Variants in COL23A1 observed in about 807,000 individuals in gnomAD.
COL23A1 encodes collagen type XXIII alpha 1 chain.
Under a neutral mutation model 99.3 loss-of-function variants are expected in COL23A1, and 97 were observed. The ratio of observed to expected loss-of-function variants is 0.98; its 90% CI spans 0.83 to 1.16. COL23A1 has a LOEUF of 1.16. COL23A1 is among the 50% of genes most tolerant of loss of function. The pLI, the probability that COL23A1 is intolerant of heterozygous loss-of-function variation, is 0.00. For missense variants in COL23A1, 762 were observed against 757.4 expected (o/e 1.01, Z -0.07); for synonymous variants, 320 against 308.2 (o/e 1.04, Z -0.40).
rs1762393266 is a variant in COL23A1, at chr5:178,365,132, T to TGC, written c.362-58214_362-58213insGC. 8.7e-6 allele frequency among the ~76,000 whole-genome samples: 1 copy of TGC among 114,368 alleles called. No individual in the cohort carries two copies. Among genetic ancestry groups the TGC allele is most frequent in the Non-Finnish European group, 1.9e-5 (1 of 54,040 alleles). The allele number at this position is 114,368 out of a possible 152,430, so 75.0% of individuals were successfully genotyped here. ...GGGTGGGCTTTATGATGTTGCTGTGTGTGCGTGTGTGTGTGTGTGTGTGTG... is the reference window on the plus strand; with the variant it reads ...GGGTGGGCTTTATGATGTTGCTGTGTGCGTGCGTGTGTGTGTGTGTGTGTGTG... On this transcript the variant is annotated intron_variant, in intron 2 of 28. Coordinates refer to ENST00000390654, the MANE Select transcript of COL23A1 (RefSeq NM_173465.4). This position sits in a 1 kb window ranked among gnomAD's most constrained non-coding sequence, Gnocchi z 5.2.
chr5:178,250,205 G>C (rs1764960120), intron 17 of COL23A1, 100 bp from the exon 18 acceptor site: 1 of 1,406,790 alleles, frequency 7.1e-7, no homozygotes, highest in Non-Finnish European at 9.9e-7. Context: ...GCCCAGGGTG[G>C]GTCTTTGCAG....
rs572389274 is a variant in COL23A1 at position 178,242,456 on chromosome 5, G to C, written c.1441-62C>G. On this transcript the variant is annotated intron_variant, in intron 25 of 28. Transcript: ENST00000390654. ...GCTGGAGGTTTGCCCCTCTGTTACCGGCTCATCTCTGTTCCTCTCCCATCC... is the reference window on the plus strand; with the variant it reads ...GCTGGAGGTTTGCCCCTCTGTTACCCGCTCATCTCTGTTCCTCTCCCATCC... The C allele has an allele frequency of 9.5e-4, 1,464 of 1,541,536 alleles. 5 individuals are homozygous for C. The highest frequency in any genetic ancestry group is 8.2e-4 in the Non-Finnish European group (918 of 1,118,176).
chr5:178,536,999 C>T lies in COL23A1; in HGVS notation c.361+23683G>A, dbSNP rs1020018455. On this transcript the variant is annotated intron_variant, in intron 2 of 28. Coordinates refer to ENST00000390654, the MANE Select transcript of COL23A1 (RefSeq NM_173465.4). ...CACACAGGCCCATCCTCACCGCCGA[C>T]GGCTGCTCCTCTGCTCTTCCGGTCC... Among the ~76,000 whole-genome samples, 5 of 152,244 alleles carry T rather than the reference C, an allele frequency of 3.3e-5. No individual in the cohort carries two copies. In the South Asian group the frequency reaches 8.3e-4, roughly 25 times the overall value.
rs532671876 is a variant in COL23A1, at chr5:178,542,445, T to C, written c.361+18237A>G. ...AATGGGTGGCAGAGTCACAGAATAT[T>C]AAGTGTGTGAGGACCCTCTGCCTTT... is the stretch of plus-strand genomic sequence containing the variant. On this transcript the variant is annotated intron_variant, in intron 2 of 28. Transcript: ENST00000390654. Among the ~76,000 whole-genome samples the C allele has an allele frequency of 2.6e-5, 4 of 152,212 alleles. No individual in the cohort carries two copies. The South Asian group carries it at 8.3e-4, about 32-fold the overall frequency.
At chr5:178,358,002 ATGTATGTGTG>A (rs1384320356) in intron 2 of COL23A1, among the ~76,000 whole-genome samples, 22 of 106,774 alleles carry the variant, frequency 2.1e-4, no homozygotes, top group East Asian at 2.1e-3. Flanking sequence ...GTGTGTGTAT[ATGTATGTGTG>A]TGTATGTGTG....
intron 5 of COL23A1, among the ~76,000 whole-genome samples, chr5:178,278,819 G>A (rs543727740): frequency 1.3e-5 from 2 of 152,208 alleles, no homozygotes; most frequent in African/African-American, 2.4e-5. Flanking sequence ...AGTGTGTTGC[G>A]GATGGAATGG....
chr5:178,272,337 A>T (rs1756336190), intron 5 of COL23A1, among the ~76,000 whole-genome samples: 1 of 152,174 alleles, frequency 6.6e-6, no homozygotes, highest in South Asian at 2.1e-4. Context: ...CCATCTGCCC[A>T]TTCCCAGACG....
intron 2 of COL23A1, among the ~76,000 whole-genome samples, chr5:178,523,173 T>C (rs1268520041): frequency 5.2e-5 from 5 of 95,534 alleles, no homozygotes; most frequent in African/African-American, 1.9e-4. Flanking sequence ...CATATATATA[T>C]ATATACACAT....
At chr5:178,304,893 A>T (rs1758267600) in intron 3 of COL23A1, among the ~76,000 whole-genome samples, 2 of 152,214 alleles carry the variant, frequency 1.3e-5, no homozygotes, top group African/African-American at 4.8e-5. Flanking sequence ...AAGGACTTGA[A>T]AGAGCCCAGC....
chr5:178,278,553 T>A (rs968331466), intron 5 of COL23A1, among the ~76,000 whole-genome samples: 1 of 152,078 alleles, frequency 6.6e-6, no homozygotes. Flanking sequence ...CCAACCAGCC[T>A]CATCTATTTT....
intron 3 of COL23A1, among the ~76,000 whole-genome samples, chr5:178,293,860 G>T (rs1233243704): frequency 6.6e-6 from 1 of 152,052 alleles, no homozygotes; most frequent in African/African-American, 2.4e-5. Context: ...AAGACCTCTG[G>T]AGGGACAGGC....
intron 2 of COL23A1, among the ~76,000 whole-genome samples, chr5:178,508,657 A>G (rs1759016973): frequency 6.6e-6 from 1 of 152,100 alleles, no homozygotes; most frequent in South Asian, 2.1e-4. Context: ...TCTCCTCACT[A>G]CTGATACCAT....
chr5:178,380,788 A>G (rs1332329708), intron 2 of COL23A1, among the ~76,000 whole-genome samples: 1 of 152,108 alleles, frequency 6.6e-6, no homozygotes, highest in Non-Finnish European at 1.5e-5. Flanking sequence ...CAGGGACTTC[A>G]CCTGTCCCCA....
chr5:178,466,826 G>A (rs1015192643), intron 2 of COL23A1, among the ~76,000 whole-genome samples: 4 of 152,234 alleles, frequency 2.6e-5, no homozygotes, highest in Admixed American at 2.6e-4. Context: ...GGACAGCCAC[G>A]TCTGGGGGTC....
chr5:178,367,704 C>A (rs1275583148), intron 2 of COL23A1, among the ~76,000 whole-genome samples: 1 of 152,248 alleles, frequency 6.6e-6, no homozygotes, highest in Non-Finnish European at 1.5e-5. Context: ...ATGTGGCTCT[C>A]TTTTCTTTCT....
At chr5:178,350,587 A>ATT (rs1322044296) in intron 2 of COL23A1, among the ~76,000 whole-genome samples, 1 of 152,178 alleles carries the variant, frequency 6.6e-6, no homozygotes, top group African/African-American at 2.4e-5. Context: ...TCACCAGATA[A>ATT]TTATAACCCC....
At chr5:178,293,401 GTTCTC>G (rs1368907257) in intron 3 of COL23A1, among the ~76,000 whole-genome samples, 1 of 152,162 alleles carries the variant, frequency 6.6e-6, no homozygotes, top group Non-Finnish European at 1.5e-5. Context: ...GTTCGGGCAA[GTTCTC>G]TTCTGATTGT....
At chr5:178,431,100 A>T (rs1336757816) in intron 2 of COL23A1, among the ~76,000 whole-genome samples, 1 of 152,056 alleles carries the variant, frequency 6.6e-6, no homozygotes, top group Non-Finnish European at 1.5e-5. Flanking sequence ...ACATAGAGGG[A>T]GCACCGCCAG....
chr5:178,540,009 G>A (rs1761203272), intron 2 of COL23A1, among the ~76,000 whole-genome samples: 1 of 152,154 alleles, frequency 6.6e-6, no homozygotes, highest in African/African-American at 2.4e-5. Flanking sequence ...AGGGGGAAAA[G>A]TCATATGATC....
Sources: gnomAD v4.1 joint callset for allele counts (sites outside exome capture counted in the v4.1 genomes callset) on GRCh38, gnomAD v4.1.1 for gene constraint, Gnocchi (gnomAD v3.1) non-coding constraint, MANE v1.5 for transcripts, NCBI Gene and HGNC (gene_info 2026-07-23, HGNC 2026-07-21) for gene names.